Variants in FRMD5 observed in about 807,000 individuals in gnomAD.
FRMD5 encodes FERM domain-containing protein 5.
In FRMD5, 20 loss-of-function variants were observed where a neutral mutation model predicts 69.0. That is an observed-to-expected ratio of 0.29 (90% CI 0.20 to 0.42). FRMD5 has a LOEUF of 0.42. Among genes scored for constraint, FRMD5 ranks in the 10% least tolerant of loss-of-function variants. FRMD5 has a pLI of 1.00. For missense variants in FRMD5, 595 were observed against 708.6 expected, an observed-to-expected ratio of 0.84 and a Z score of 1.82; for synonymous variants, 271 against 260.1, an observed-to-expected ratio of 1.04 and a Z score of -0.40.
At chr15:44,084,950 G>T (rs1399850502) in intron 1 of FRMD5, among the ~76,000 whole-genome samples, 1 of 152,024 alleles carries the variant, frequency 6.6e-6, no homozygotes, top group African/African-American at 2.4e-5. Context: ...CAATCTGGGG[G>T]TGTGGTATAA....
intron 1 of FRMD5, among the ~76,000 whole-genome samples, chr15:44,033,589 C>T (rs1415227931): frequency 6.6e-6 from 1 of 152,072 alleles, no homozygotes; most frequent in African/African-American, 2.4e-5. Context: ...TTTACACTTG[C>T]TTTGTAAGAT....
chr15:44,038,520 C>CGTTTTTTTTTT (rs1892026079), intron 1 of FRMD5, among the ~76,000 whole-genome samples: 1 of 63,200 alleles, frequency 1.6e-5, no homozygotes, highest in African/African-American at 5.7e-5. Flanking sequence ...CTAGCCAGAG[C>CGTTTTTTTTTT]TTTTTTTTTT....
At chr15:44,083,141 T>C (rs1170450513) in intron 1 of FRMD5, among the ~76,000 whole-genome samples, 2 of 151,998 alleles carry the variant, frequency 1.3e-5, no homozygotes, top group South Asian at 2.1e-4. Context: ...AGTGGTCATA[T>C]ATAAATATCA....
In FRMD5 at chr15:43,881,608, A is replaced by C. The variant is rs148101436; in HGVS notation, c.1135+2095T>G. Among the ~76,000 whole-genome samples, 446 of 151,934 alleles carry C rather than the reference A, an allele frequency of 2.9e-3. 2 individuals carry two copies. The highest frequency in any genetic ancestry group is 0.01 in the African/African-American group (420 of 41,416). On this transcript the variant is annotated intron_variant, in intron 13 of 13. Transcript: ENST00000417257. The stretch of plus-strand genomic sequence containing the variant: ...GTCAGACCTTGGCTTCCTGATCAGA[A>C]CTCTGCACTGTGCTTGCTGCCGGCC...
At chr15:44,187,723 C>T (rs1439433972) in intron 1 of FRMD5, among the ~76,000 whole-genome samples, 1 of 152,258 alleles carries the variant, frequency 6.6e-6, no homozygotes, top group East Asian at 1.9e-4. Context: ...TATACACCAA[C>T]ATGCCAGCCT....
intron 1 of FRMD5, among the ~76,000 whole-genome samples, chr15:43,990,669 A>G (rs1265324292): frequency 1.3e-5 from 2 of 152,228 alleles, no homozygotes; most frequent in African/African-American, 4.8e-5. Context: ...TACTCATCAG[A>G]TATTTCTACA....
At chr15:44,182,550 C>T (rs561729947) in intron 1 of FRMD5, among the ~76,000 whole-genome samples, 5 of 150,656 alleles carry the variant, frequency 3.3e-5, no homozygotes, top group Non-Finnish European at 5.9e-5. Context: ...AGGATGGTCT[C>T]GATCTGACCT....
At chr15:43,930,205 C>G (rs959477926) in intron 1 of FRMD5, among the ~76,000 whole-genome samples, 2 of 152,162 alleles carry the variant, frequency 1.3e-5, no homozygotes, top group Non-Finnish European at 2.9e-5. Context: ...CCTGCTTAGT[C>G]GTAAACCAAT....
chr15:44,002,329 T>A (rs1019934039), intron 1 of FRMD5, among the ~76,000 whole-genome samples: 1 of 152,176 alleles, frequency 6.6e-6, no homozygotes, highest in African/African-American at 2.4e-5. Context: ...TATATTTATA[T>A]CCATTTCTGT....
chr15:43,874,807 G>C (rs976777947), intron 13 of FRMD5, among the ~76,000 whole-genome samples: 1 of 152,138 alleles, frequency 6.6e-6, no homozygotes, highest in Non-Finnish European at 1.5e-5. Context: ...GGCTGAGGCA[G>C]GAGAATCGCT....
intron 7 of FRMD5, among the ~76,000 whole-genome samples, chr15:43,897,685 T>TA (rs2088947329): frequency 6.6e-6 from 1 of 152,050 alleles, no homozygotes; most frequent in Non-Finnish European, 1.5e-5. Flanking sequence ...TCCTGGTCTA[T>TA]ACAAAGCAGA....
intron 1 of FRMD5, among the ~76,000 whole-genome samples, chr15:43,954,406 C>T (rs1348750733): frequency 6.6e-6 from 1 of 152,160 alleles, no homozygotes; most frequent in Non-Finnish European, 1.5e-5. Flanking sequence ...TTACAGACCC[C>T]AAATTATTCA....
At chr15:44,125,408 C>G (rs7166715) in intron 1 of FRMD5, among the ~76,000 whole-genome samples, 1 of 152,084 alleles carries the variant, frequency 6.6e-6, no homozygotes, top group Non-Finnish European at 1.5e-5. Context: ...ATTTTCAGAG[C>G]CATTCTGATT....
At chr15:44,096,718 T>C (rs1259490925) in intron 1 of FRMD5, among the ~76,000 whole-genome samples, 2 of 152,042 alleles carry the variant, frequency 1.3e-5, no homozygotes, top group Non-Finnish European at 2.9e-5. Flanking sequence ...AGCCTAGTAG[T>C]GTGTATCTTT....
chr15:43,930,208 A>T (rs2089651402), intron 1 of FRMD5, among the ~76,000 whole-genome samples: 1 of 152,200 alleles, frequency 6.6e-6, no homozygotes, highest in African/African-American at 2.4e-5. Flanking sequence ...GCTTAGTCGT[A>T]AACCAATGAA....
intron 7 of FRMD5, among the ~76,000 whole-genome samples, chr15:43,897,487 CAAAAAAAAAAAAAAA>C (rs34243475): frequency 1.2e-4 from 2 of 16,138 alleles, no homozygotes; most frequent in Admixed American, 1.5e-3. Context: ...CACTCCATCT[CAAAAAAAAAAAAAAA>C]AAAAAAAAAA....
intron 1 of FRMD5, among the ~76,000 whole-genome samples, chr15:44,044,042 T>C (rs915560643): frequency 5.9e-5 from 9 of 152,102 alleles, no homozygotes; most frequent in Non-Finnish European, 8.8e-5. Context: ...AAAGGGCTAA[T>C]ATCCAGAATC....
chr15:44,115,100 C>T (rs2140612311), intron 1 of FRMD5, among the ~76,000 whole-genome samples: 1 of 152,268 alleles, frequency 6.6e-6, no homozygotes, highest in South Asian at 2.1e-4. Flanking sequence ...ATTTCTATAG[C>T]CTGATCTGGC....
intron 1 of FRMD5, among the ~76,000 whole-genome samples, chr15:44,078,568 G>C (rs1407997516): frequency 6.6e-6 from 1 of 152,072 alleles, no homozygotes; most frequent in African/African-American, 2.4e-5. Context: ...GTACTGTACT[G>C]CATAAGAACA....
Sources: gnomAD v4.1 joint callset for allele counts (sites outside exome capture counted in the v4.1 genomes callset) on GRCh38, gnomAD v4.1.1 for gene constraint, MANE v1.5 for transcripts, NCBI Gene and HGNC (gene_info 2026-07-23, HGNC 2026-07-21) for gene names.